The following RPSA2 variants were observed in gnomAD, a reference collection of about 807,000 sequenced individuals.
RPSA2 encodes the protein small ribosomal subunit protein uS2B.
chr19:23,813,065 C>A, the RPSA2 span, among the ~76,000 whole-genome samples: 9 of 151,844 alleles, frequency 5.9e-5, no homozygotes, highest in Non-Finnish European at 1.3e-4. Flanking sequence ...ACCCTCTCTA[C>A]AAACATTTTT....
chr19:23,815,992 G>GTTTT, the RPSA2 span, among the ~76,000 whole-genome samples: 12 of 146,748 alleles, frequency 8.2e-5, 1 homozygote, highest in South Asian at 8.7e-4. Context: ...ATAAAATGTA[G>GTTTT]TTGTTTTTTT....
chr19:23,767,149 C>T, the RPSA2 span, among the ~76,000 whole-genome samples: 1 of 151,946 alleles, frequency 6.6e-6, no homozygotes, highest in Non-Finnish European at 1.5e-5. Flanking sequence ...GCCATGTTGC[C>T]CAGGCTGTTC....
At chr19:23,758,849 A>T in the RPSA2 span, 1 of 1,546,956 alleles carries the variant, frequency 6.5e-7, no homozygotes, top group African/African-American at 1.4e-5. Flanking sequence ...GAGGACACAG[A>T]GCAGTGAAGA....
chr19:23,780,707 A>G, the RPSA2 span, among the ~76,000 whole-genome samples: 11 of 152,250 alleles, frequency 7.2e-5, no homozygotes, highest in East Asian at 2.1e-3. Flanking sequence ...CACATTTGAG[A>G]TGGTAACTCT....
the RPSA2 span, among the ~76,000 whole-genome samples, chr19:23,785,259 T>TA: frequency 6.6e-6 from 1 of 152,190 alleles, no homozygotes; most frequent in African/African-American, 2.4e-5. Flanking sequence ...GACATATTGC[T>TA]AAGATCTGCA....
the RPSA2 span, among the ~76,000 whole-genome samples, chr19:23,859,918 A>T: frequency 4.6e-5 from 7 of 152,338 alleles, no homozygotes; most frequent in Middle Eastern, 3.4e-3. Context: ...GATTTGTGGA[A>T]AATAAATATC....
chr19:23,831,953 C>T, the RPSA2 span: 1 of 353,814 alleles, frequency 2.8e-6, no homozygotes, highest in Non-Finnish European at 5.8e-6. Context: ...AGCATTTATA[C>T]TAGAGAGAAG....
chr19:23,761,538 C>T, the RPSA2 span, among the ~76,000 whole-genome samples: 2 of 152,142 alleles, frequency 1.3e-5, no homozygotes, highest in East Asian at 3.9e-4. Flanking sequence ...TCCTCTGTGT[C>T]CCCTTCTTGC....
chr19:23,856,242 G>T, the RPSA2 span, among the ~76,000 whole-genome samples: 1 of 151,918 alleles, frequency 6.6e-6, no homozygotes, highest in Non-Finnish European at 1.5e-5. Context: ...CACCCCAAAC[G>T]GTGACAGGAA....
At chr19:23,821,252 T>C in the RPSA2 span, among the ~76,000 whole-genome samples, 1 of 152,216 alleles carries the variant, frequency 6.6e-6, no homozygotes, top group African/African-American at 2.4e-5. Flanking sequence ...TGGCAGCTAA[T>C]GCTTTGAAGC....
the RPSA2 span, chr19:23,758,601 G>C: frequency 8.2e-7 from 1 of 1,212,904 alleles, no homozygotes; most frequent in Non-Finnish European, 1.2e-6. Flanking sequence ...GGCTGTCAGC[G>C]CAGCCGCCAT....
chr19:23,852,372 A>G, the RPSA2 span, among the ~76,000 whole-genome samples: 3 of 151,974 alleles, frequency 2.0e-5, no homozygotes, highest in Non-Finnish European at 4.4e-5. Context: ...ACACAAATAT[A>G]GAGCTGTGAA....
At chr19:23,764,347 C>T in the RPSA2 span, among the ~76,000 whole-genome samples, 1 of 152,224 alleles carries the variant, frequency 6.6e-6, no homozygotes, top group African/African-American at 2.4e-5. Context: ...GGACAAACAA[C>T]TTCCTCTCTC....
chr19:23,862,831 T>C, the RPSA2 span, among the ~76,000 whole-genome samples: 1 of 151,932 alleles, frequency 6.6e-6, no homozygotes, highest in Non-Finnish European at 1.5e-5. Flanking sequence ...TCTCTGGGTC[T>C]CTATTCCCTC....
the RPSA2 span, among the ~76,000 whole-genome samples, chr19:23,789,504 T>G: frequency 2.0e-5 from 3 of 152,168 alleles, no homozygotes; most frequent in Admixed American, 2.0e-4. Flanking sequence ...CCCCAGCTTG[T>G]AGTTGCTATG....
At chr19:23,828,622 T>C in the RPSA2 span, among the ~76,000 whole-genome samples, 3 of 149,892 alleles carry the variant, frequency 2.0e-5, no homozygotes, top group Non-Finnish European at 4.4e-5. Flanking sequence ...ATGTAGTTCA[T>C]AGAAATTTAC....
At chr19:23,820,957 G>C in the RPSA2 span, among the ~76,000 whole-genome samples, 1 of 152,154 alleles carries the variant, frequency 6.6e-6, no homozygotes, top group Non-Finnish European at 1.5e-5. Context: ...TGGTCTGTAA[G>C]ATCTCTCCAG....
chr19:23,764,460 A>C, the RPSA2 span, among the ~76,000 whole-genome samples: 1 of 152,164 alleles, frequency 6.6e-6, no homozygotes, highest in Non-Finnish European at 1.5e-5. Context: ...GCAGGTTTTT[A>C]AAGATTTGTT....
the RPSA2 span, among the ~76,000 whole-genome samples, chr19:23,828,898 G>A: frequency 6.6e-6 from 1 of 150,626 alleles, no homozygotes; most frequent in Middle Eastern, 3.4e-3. Context: ...CTTCCATTCT[G>A]TCAATATTTG....
Sources: allele counts gnomAD v4.1 joint callset (sites outside exome capture counted in the v4.1 genomes callset), GRCh38; gene constraint gnomAD v4.1.1; transcripts MANE v1.5; gene names NCBI Gene and HGNC (gene_info 2026-07-23, HGNC 2026-07-21).